NR6A1: variants seen among roughly 807,000 people sequenced by gnomAD.
The protein encoded by NR6A1 is retinoic acid receptor-related testis-associated receptor.
Under a neutral mutation model 59.1 loss-of-function variants are expected in NR6A1, and 7 were observed. The observed-to-expected ratio is 0.12, with a 90% confidence interval of 0.07 to 0.22. The LOEUF is 0.22. Ranked by LOEUF, NR6A1 falls within the 10% of genes least tolerant of loss-of-function variation. NR6A1 has a pLI of 1.00. For synonymous variants in NR6A1, 243 were observed against 236.1 expected (o/e 1.03, Z -0.27); for missense variants, 468 against 611.6 (o/e 0.77, Z 2.48).
intron 1 of NR6A1, 29 bp downstream of exon 1, chr9:124,770,990 TG>T: frequency 1.7e-6 from 2 of 1,177,874 alleles, no homozygotes; most frequent in South Asian, 4.3e-5. Context: ...GGTTCCTGCC[TG>T]GCCCGGGCGT....
intron 2 of NR6A1, among the ~76,000 whole-genome samples, chr9:124,653,860 A>G (rs1837172229): frequency 6.6e-6 from 1 of 152,234 alleles, no homozygotes; most frequent in Non-Finnish European, 1.5e-5. Context: ...AGATTTCCAG[A>G]AGTATGTCTT....
intron 1 of NR6A1, among the ~76,000 whole-genome samples, chr9:124,757,541 A>G (rs1008710950): frequency 1.3e-5 from 2 of 151,078 alleles, no homozygotes; most frequent in African/African-American, 4.9e-5. Context: ...ATTATAGGTT[A>G]TTTTCCCTTC....
At position 124,771,284 on chromosome 9, in the gene NR6A1, C is replaced by G. The variant is rs1841161565; in HGVS notation, c.-165G>C. 2.6e-6 allele frequency: 1 copy of G among 392,132 alleles called. No homozygotes were observed. Among genetic ancestry groups the G allele is most frequent in the Non-Finnish European group, 4.5e-6 (1 of 224,322 alleles). 24.3% of individuals were successfully genotyped at this position (392,132 alleles called of 1,614,324 possible). On this transcript the variant is annotated 5_prime_UTR_variant, in exon 1 of 10. Transcript: ENST00000487099. ...CCGCCCGGCTCCGCGCCGCTCCGCGCCCCTCCGCGCCGCGCCCCCTCAGCA... is the reference window on the plus strand; with the variant it reads ...CCGCCCGGCTCCGCGCCGCTCCGCGGCCCTCCGCGCCGCGCCCCCTCAGCA...
At chr9:124,565,665 A>G (rs1834219928) in intron 2 of NR6A1, among the ~76,000 whole-genome samples, 1 of 152,220 alleles carries the variant, frequency 6.6e-6, no homozygotes, top group African/African-American at 2.4e-5. Context: ...AAAATGTGTG[A>G]GACTTGAATA....
At chr9:124,526,511 G>A (rs985675331) in intron 8 of NR6A1, among the ~76,000 whole-genome samples, 27 of 152,048 alleles carry the variant, frequency 1.8e-4, no homozygotes, top group African/African-American at 2.4e-5. Flanking sequence ...TAAACAAAGC[G>A]AATCCTCTTC....
At chr9:124,698,949 G>A (rs554654160) in intron 2 of NR6A1, among the ~76,000 whole-genome samples, 4 of 152,096 alleles carry the variant, frequency 2.6e-5, no homozygotes, top group African/African-American at 4.8e-5. Flanking sequence ...CCTCTTCCCA[G>A]TAAGTAGTTG....
intron 2 of NR6A1, among the ~76,000 whole-genome samples, chr9:124,566,790 G>A (rs1402936183): frequency 6.6e-6 from 1 of 152,208 alleles, no homozygotes; most frequent in African/African-American, 2.4e-5. Flanking sequence ...AGCTGAGTGC[G>A]GGGCAAAAGT....
chr9:124,732,335 A>AT (rs1839907047), intron 2 of NR6A1, among the ~76,000 whole-genome samples: 1 of 152,238 alleles, frequency 6.6e-6, no homozygotes, highest in Non-Finnish European at 1.5e-5. Context: ...ACCTTTCGGC[A>AT]TTATAGCAAA....
At chr9:124,730,757 C>T (rs1839860829) in intron 2 of NR6A1, among the ~76,000 whole-genome samples, 1 of 152,004 alleles carries the variant, frequency 6.6e-6, no homozygotes, top group African/African-American at 2.4e-5. Flanking sequence ...ATATCAAGGA[C>T]CTTTCTCAGA....
At chr9:124,573,204 G>A (rs865892858) in intron 2 of NR6A1, among the ~76,000 whole-genome samples, 5 of 152,154 alleles carry the variant, frequency 3.3e-5, no homozygotes, top group Non-Finnish European at 2.9e-5. Flanking sequence ...GGCAAAGTAC[G>A]AAGCCCTCAG....
intron 2 of NR6A1, among the ~76,000 whole-genome samples, chr9:124,706,616 A>T (rs1206306073): frequency 1.3e-5 from 2 of 151,864 alleles, no homozygotes; most frequent in Non-Finnish European, 2.9e-5. Flanking sequence ...GGTTCAAGCG[A>T]TTCTCCTGCC....
At chr9:124,635,044 G>T (rs1836561489) in intron 2 of NR6A1, among the ~76,000 whole-genome samples, 1 of 152,068 alleles carries the variant, frequency 6.6e-6, no homozygotes. Context: ...TCACTCTTGG[G>T]TGTTGTATAT....
rs17324169 is a variant in NR6A1 at position 124,657,471 on chromosome 9, T to C, written c.142+75837A>G. Among the ~76,000 whole-genome samples, 1,020 of 152,306 alleles carry C rather than the reference T, an allele frequency of 6.7e-3. 10 individuals are homozygous for C. The highest frequency in any genetic ancestry group is 0.025 in the South Asian group (119 of 4,824). On this transcript the variant is annotated intron_variant, in intron 2 of 9. Coordinates refer to ENST00000487099, the MANE Select transcript of NR6A1 (RefSeq NM_033334.4). ...GTCCATGTAGAGTAGATTTCATATA[T>C]CAGAGTCAAGGTCTCACAAAACAAC...
intron 2 of NR6A1, among the ~76,000 whole-genome samples, chr9:124,665,282 TGA>T (rs1171785036): frequency 9.9e-5 from 15 of 152,280 alleles, no homozygotes; most frequent in African/African-American, 3.4e-4. Flanking sequence ...TGCCATTTGT[TGA>T]AGTCAAACTA....
chr9:124,690,808 C>T (rs1207929574), intron 2 of NR6A1, among the ~76,000 whole-genome samples: 1 of 152,132 alleles, frequency 6.6e-6, no homozygotes, highest in Non-Finnish European at 1.5e-5. Flanking sequence ...TGTGCTCAAA[C>T]TTGCTTGATG....
intron 2 of NR6A1, among the ~76,000 whole-genome samples, chr9:124,576,792 C>A (rs1834609871): frequency 6.6e-6 from 1 of 152,122 alleles, no homozygotes; most frequent in African/African-American, 2.4e-5. Context: ...ATGGCTCATG[C>A]CTGTGAATCC....
chr9:124,556,949 A>G (rs889082371), intron 2 of NR6A1, among the ~76,000 whole-genome samples: 1 of 152,032 alleles, frequency 6.6e-6, no homozygotes, highest in Non-Finnish European at 1.5e-5. Flanking sequence ...GTACTCACAG[A>G]CAAGTACATA....
At position 124,771,007 on chromosome 9, in the gene NR6A1, G is replaced by T; in HGVS notation, c.100+13C>A. The T allele has an allele frequency of 1.6e-6, 2 of 1,219,162 alleles. No individual in the cohort carries two copies. The highest frequency in any genetic ancestry group is 2.0e-6 in the Non-Finnish European group (2 of 976,778). The allele number at this position is 1,219,162 out of a possible 1,614,324, so 75.5% of individuals were successfully genotyped here. A position where few individuals can be genotyped will look rare whatever the true frequency, so the allele number is the denominator to read the frequency against. On this transcript the variant is annotated intron_variant, in intron 1 of 9. Coordinates refer to ENST00000487099, the MANE Select transcript of NR6A1 (RefSeq NM_033334.4). ...TTCCTGCCTGGCCCGGGCGTCGCAG[G>T]CCCCTCACCCACCGTTGCGCGGCGG...
intron 1 of NR6A1, among the ~76,000 whole-genome samples, chr9:124,737,264 C>G (rs1405998639): frequency 1.3e-5 from 2 of 152,308 alleles, no homozygotes; most frequent in East Asian, 3.9e-4. Context: ...AGTCCTGAGA[C>G]CACTGCTATT....
Sources: gnomAD v4.1 joint callset for allele counts (sites outside exome capture counted in the v4.1 genomes callset) on GRCh38, gnomAD v4.1.1 for gene constraint, MANE v1.5 for transcripts, NCBI Gene and HGNC (gene_info 2026-07-23, HGNC 2026-07-21) for gene names.